The following CAMTA1 variants were observed in gnomAD, a reference collection of about 807,000 sequenced individuals.
The protein encoded by CAMTA1 is calmodulin binding transcription activator 1, also known as calmodulin-binding transcription activator 1.
In CAMTA1, 27 loss-of-function variants were observed where a neutral mutation model predicts 170.9. The ratio of observed to expected loss-of-function variants is 0.16; its 90% confidence interval spans 0.12 to 0.22. The LOEUF is 0.22. Among genes scored for constraint, CAMTA1 ranks in the 10% least tolerant of loss-of-function variants. The probability of loss-of-function intolerance (pLI) is 1.00; values close to 1 mark genes in which losing one functional copy is unlikely to be tolerated. For missense variants in CAMTA1, 1,619 were observed against 2,217.2 expected, an observed-to-expected ratio of 0.73 and a Z score of 5.42; for synonymous variants, 833 against 891.5, an observed-to-expected ratio of 0.93 and a Z score of 1.17.
intron 3 of CAMTA1, among the ~76,000 whole-genome samples, chr1:7,049,296 G>A (rs1705912586): frequency 6.6e-6 from 1 of 152,124 alleles, no homozygotes; most frequent in Non-Finnish European, 1.5e-5. Flanking sequence ...AACACCCAGG[G>A]AGGGGGCAGC....
At chr1:7,583,411 G>A (rs887600597) in intron 6 of CAMTA1, among the ~76,000 whole-genome samples, 1 of 152,138 alleles carries the variant, frequency 6.6e-6, no homozygotes, top group Non-Finnish European at 1.5e-5. Flanking sequence ...GCAGAGCTGG[G>A]GCCAGCAGGT....
At chr1:6,826,731 A>G (rs1647168601) in intron 3 of CAMTA1, among the ~76,000 whole-genome samples, 2 of 152,272 alleles carry the variant, frequency 1.3e-5, no homozygotes, top group East Asian at 3.9e-4. Context: ...CCATGGACCC[A>G]TGTCTTGTGG....
rs556234060 is a variant in CAMTA1, at chr1:7,265,479, A to C, written c.438+15853A>C. ...CAGGCACCTGCCACTATGCCTGGCT[A>C]ATTTTTGTATTTTTAGTAAAGACAG... On this transcript the variant is annotated intron_variant, in intron 5 of 22. Coordinates refer to ENST00000303635, the MANE Select transcript of CAMTA1 (RefSeq NM_015215.4). 9.1e-4 allele frequency among the ~76,000 whole-genome samples: 138 copies of C among 152,058 alleles called. 2 individuals carry two copies. The highest frequency in any genetic ancestry group is 5.4e-3 in the Admixed American group (82 of 15,272).
chr1:7,023,718 C>T lies in CAMTA1; in HGVS notation c.235-67586C>T, dbSNP rs146037017. ...AGATGGGGATAAACAAAAGAATAGACATATTTGCTAAAGAATGAGTTAGTT... is the reference window on the plus strand; with the variant it reads ...AGATGGGGATAAACAAAAGAATAGATATATTTGCTAAAGAATGAGTTAGTT... On this transcript the variant is annotated intron_variant, in intron 3 of 22. Transcript: ENST00000303635. 3.4e-3 allele frequency among the ~76,000 whole-genome samples: 514 copies of T among 152,148 alleles called. 2 individuals carry two copies. The highest frequency in any genetic ancestry group is 0.01 in the Middle Eastern group (3 of 294).
chr1:7,624,712 G>C (rs1166372515), intron 6 of CAMTA1, among the ~76,000 whole-genome samples: 2 of 152,154 alleles, frequency 1.3e-5, no homozygotes, highest in African/African-American at 4.8e-5. Context: ...TGCCTATCAG[G>C]GAATACATTT....
intron 6 of CAMTA1, among the ~76,000 whole-genome samples, chr1:7,623,647 C>T (rs971545925): frequency 1.1e-4 from 17 of 152,324 alleles, no homozygotes; most frequent in South Asian, 8.3e-4. Flanking sequence ...TACAGGCATG[C>T]GCCACCACAC....
chr1:7,654,483 C>T (rs1438996624), intron 7 of CAMTA1, among the ~76,000 whole-genome samples: 1 of 151,698 alleles, frequency 6.6e-6, no homozygotes, highest in African/African-American at 2.4e-5. Flanking sequence ...CACACACACC[C>T]CTATACATAC....
chr1:7,192,335 T>G (rs1654687192), intron 4 of CAMTA1, among the ~76,000 whole-genome samples: 1 of 152,234 alleles, frequency 6.6e-6, no homozygotes, highest in African/African-American at 2.4e-5. Context: ...CCATGACGCT[T>G]GGCCTTTGGT....
At chr1:6,802,934 A>G (rs1031247051) in intron 1 of CAMTA1, among the ~76,000 whole-genome samples, 16 of 152,102 alleles carry the variant, frequency 1.1e-4, no homozygotes, top group African/African-American at 3.4e-4. Context: ...TAGTAGAGAC[A>G]GGGGTTTCAT....
At chr1:7,119,267 C>G (rs1427999463) in intron 4 of CAMTA1, among the ~76,000 whole-genome samples, 1 of 152,180 alleles carries the variant, frequency 6.6e-6, no homozygotes, top group Non-Finnish European at 1.5e-5. Flanking sequence ...TGAAACCCCA[C>G]CTTTCTGTCC....
At chr1:6,919,025 G>C (rs762845497) in intron 3 of CAMTA1, among the ~76,000 whole-genome samples, 10 of 152,160 alleles carry the variant, frequency 6.6e-5, no homozygotes, top group Non-Finnish European at 2.9e-5. Context: ...GCCCACAGTG[G>C]TTTTGGGCTG....
intron 5 of CAMTA1, among the ~76,000 whole-genome samples, chr1:7,265,976 A>G (rs1010718076): frequency 6.6e-6 from 1 of 152,268 alleles, no homozygotes; most frequent in East Asian, 1.9e-4. Context: ...TGGGAGAACA[A>G]CATAGTGTAA....
intron 4 of CAMTA1, among the ~76,000 whole-genome samples, chr1:7,243,479 T>C (rs926631197): frequency 2.0e-5 from 3 of 152,232 alleles, no homozygotes; most frequent in African/African-American, 4.8e-5. Flanking sequence ...ATTTATTAAA[T>C]AGGGAATCAT....
rs116602212 is a variant in CAMTA1, at chr1:7,338,067, A to G, written c.438+88441A>G. 5.2e-3 allele frequency among the ~76,000 whole-genome samples: 787 copies of G among 152,056 alleles called. 6 individuals are homozygous for G. The highest frequency in any genetic ancestry group is 0.018 in the African/African-American group (753 of 41,452). ...TATATTATATACACACAATAGGACT[A>G]CATATATATTGTCCTATTGGTTCTT... is the stretch of plus-strand genomic sequence containing the variant. On this transcript the variant is annotated intron_variant, in intron 5 of 22. Coordinates refer to ENST00000303635, the MANE Select transcript of CAMTA1 (RefSeq NM_015215.4).
At chr1:7,060,497 T>G (rs1020958086) in intron 3 of CAMTA1, among the ~76,000 whole-genome samples, 1 of 152,224 alleles carries the variant, frequency 6.6e-6, no homozygotes, top group Non-Finnish European at 1.5e-5. Context: ...TGCTGGGAGT[T>G]AGGGCTTCAA....
At chr1:7,389,130 A>G (rs1470577717) in intron 5 of CAMTA1, among the ~76,000 whole-genome samples, 1 of 152,200 alleles carries the variant, frequency 6.6e-6, no homozygotes, top group Non-Finnish European at 1.5e-5. Context: ...GCAGCAGCAC[A>G]GAGCGAGTCC....
intron 4 of CAMTA1, among the ~76,000 whole-genome samples, chr1:7,099,904 C>T (rs1020561983): frequency 1.3e-5 from 2 of 152,212 alleles, no homozygotes; most frequent in Non-Finnish European, 2.9e-5. Flanking sequence ...CTGCTGTTTC[C>T]GAGTTCGGAG....
chr1:7,247,649 A>G (rs1666023391), intron 4 of CAMTA1, among the ~76,000 whole-genome samples: 1 of 152,146 alleles, frequency 6.6e-6, no homozygotes, highest in South Asian at 2.1e-4. Flanking sequence ...TTCATTAAAC[A>G]AGTTCCCTTG....
intron 11 of CAMTA1, among the ~76,000 whole-genome samples, chr1:7,709,162 G>A (rs2096550361): frequency 6.6e-6 from 1 of 152,068 alleles, no homozygotes; most frequent in Non-Finnish European, 1.5e-5. Context: ...TCTTATTAAT[G>A]AAGCTTTTTT....
Sources: allele counts gnomAD v4.1 joint callset (sites outside exome capture counted in the v4.1 genomes callset), GRCh38; gene constraint gnomAD v4.1.1; transcripts MANE v1.5; gene names NCBI Gene and HGNC (gene_info 2026-07-23, HGNC 2026-07-21).